Variants in SNX18 observed in about 807,000 individuals in gnomAD.
The protein encoded by SNX18 is sorting nexin-18.
In SNX18, 35 loss-of-function variants were observed where a neutral mutation model predicts 48.7. That is an observed-to-expected ratio of 0.72 (90% CI 0.55 to 0.95). SNX18 has a LOEUF of 0.95. Ranked by LOEUF, SNX18 falls within the 40% of genes least tolerant of loss-of-function variation. The probability of loss-of-function intolerance (pLI) is 0.00; values close to 1 mark genes in which losing one functional copy is unlikely to be tolerated. For synonymous variants in SNX18, 492 were observed against 384.7 expected, an observed-to-expected ratio of 1.28 and a Z score of -3.26; for missense variants, 824 against 871.0, an observed-to-expected ratio of 0.95 and a Z score of 0.68.
the SNX18 span, among the ~76,000 whole-genome samples, chr5:54,611,221 A>C: frequency 1.3e-5 from 2 of 152,114 alleles, no homozygotes; most frequent in African/African-American, 2.4e-5. Flanking sequence ...TATTTTAAAC[A>C]TATCACTTCC....
Position 54,518,891 on chromosome 5 carries a change from C to G in SNX18, c.939C>G (p.Tyr313Ter). 1 of 1,614,004 alleles carries G rather than the reference C, an allele frequency of 6.2e-7. No individual in the cohort carries two copies. Among genetic ancestry groups the G allele is most frequent in the Non-Finnish European group, 8.5e-7 (1 of 1,179,984 alleles). Reference sequence around the variant, plus strand: ...CGCAGGTGCCGGTGCATCGGCGCTACAAGCACTTCGACTGGCTGTACGCGC... The same window carrying G: ...CGCAGGTGCCGGTGCATCGGCGCTAGAAGCACTTCGACTGGCTGTACGCGC... ...THTQVPVHRR[Y>*]KHFDWLYARL... is the part of the protein sequence containing the mutation. The change falls in exon 1 of 2, where the codon TAC becomes TAG. Residue 313 changes from tyrosine (Y) to a stop codon, truncating the protein, a stop_gained. Transcript: ENST00000381410. LOFTEE classifies it high-confidence loss of function.
the SNX18 span, among the ~76,000 whole-genome samples, chr5:54,635,674 G>C: frequency 6.6e-6 from 1 of 152,316 alleles, no homozygotes; most frequent in South Asian, 2.1e-4. Flanking sequence ...TCTCAGCAGA[G>C]ATCTTTCAGG....
chr5:54,646,107 CAAATT>C, the SNX18 span: 65 of 111,224 alleles, frequency 5.8e-4, no homozygotes, highest in African/African-American at 1.7e-3. Context: ...AAGAAACTGA[CAAATT>C]AAGAAATGAG....
downstream of SNX18, among the ~76,000 whole-genome samples, chr5:54,546,938 C>T (rs764121256): frequency 2.8e-4 from 42 of 152,186 alleles, 1 homozygote; most frequent in Non-Finnish European, 5.1e-4. Context: ...CATAAATAGG[C>T]GAACTCCAAC....
chr5:54,632,820 C>A, the SNX18 span, among the ~76,000 whole-genome samples: 1 of 152,012 alleles, frequency 6.6e-6, no homozygotes, highest in Non-Finnish European at 1.5e-5. Context: ...TGTCGCCAGG[C>A]TGGAGTACAG....
At chr5:54,629,967 C>T in the SNX18 span, among the ~76,000 whole-genome samples, 1 of 152,182 alleles carries the variant, frequency 6.6e-6, no homozygotes, top group East Asian at 1.9e-4. Context: ...TAATAATTAG[C>T]TGATATTTAT....
chr5:54,519,156 A>G lies in SNX18; in HGVS notation c.1204A>G (p.Met402Val). The stretch of plus-strand genomic sequence containing the variant: ...CAAGAGGAAGGCCGAGAAGGACGAG[A>G]TGGTGGGCGCCAACTTCTTCCTGAC... ...QGKRKAEKDE[M>V]VGANFFLTLS... is the part of the protein sequence containing the mutation. Residue 402 changes from methionine (M) to valine (V), a missense_variant, in exon 1 of 2, where the codon ATG (methionine) becomes GTG (valine). Met to Val is a conservative substitution (Grantham distance 21, BLOSUM62 1). Coordinates refer to ENST00000381410, the MANE Select transcript of SNX18 (RefSeq NM_001102575.2). 6.2e-7 allele frequency: 1 copy of G among 1,613,886 alleles called. No homozygotes were observed. Among genetic ancestry groups the G allele is most frequent in the Non-Finnish European group, 8.5e-7 (1 of 1,179,874 alleles).
the SNX18 span, among the ~76,000 whole-genome samples, chr5:54,570,812 G>C: frequency 2.0e-5 from 3 of 152,204 alleles, no homozygotes; most frequent in Non-Finnish European, 4.4e-5. Context: ...AACCTGGTTG[G>C]TTAGGTAACA....
intron 1 of SNX18, among the ~76,000 whole-genome samples, chr5:54,525,614 C>G (rs1406123096): frequency 6.6e-6 from 1 of 152,156 alleles, no homozygotes; most frequent in East Asian, 1.9e-4. Context: ...TGTTGTTGTT[C>G]ACATTGAAGA....
chr5:54,632,783 AT>A, the SNX18 span, among the ~76,000 whole-genome samples: 1 of 150,796 alleles, frequency 6.6e-6, no homozygotes, highest in Non-Finnish European at 1.5e-5. Flanking sequence ...TATTTTTTTT[AT>A]TTTTTTTTGA....
chr5:54,581,686 C>T, the SNX18 span, among the ~76,000 whole-genome samples: 1 of 152,192 alleles, frequency 6.6e-6, no homozygotes, highest in Non-Finnish European at 1.5e-5. Flanking sequence ...GTAGCAAAGA[C>T]TAACAAGGCT....
At chr5:54,603,164 ATAT>A in the SNX18 span, among the ~76,000 whole-genome samples, 1 of 151,130 alleles carries the variant, frequency 6.6e-6, no homozygotes. Flanking sequence ...GGTTGTAAAT[ATAT>A]TATTATTATA....
At chr5:54,576,814 T>C in the SNX18 span, among the ~76,000 whole-genome samples, 1 of 152,104 alleles carries the variant, frequency 6.6e-6, no homozygotes, top group Non-Finnish European at 1.5e-5. Flanking sequence ...TGCTTGTTTG[T>C]CTTTTGGAAC....
chr5:54,638,693 C>A, the SNX18 span, among the ~76,000 whole-genome samples: 1 of 152,166 alleles, frequency 6.6e-6, no homozygotes, highest in Non-Finnish European at 1.5e-5. Flanking sequence ...ACATGTATCA[C>A]TTCATTTTAG....
chr5:54,585,310 A>C, the SNX18 span, among the ~76,000 whole-genome samples: 6 of 152,132 alleles, frequency 3.9e-5, 1 homozygote, highest in South Asian at 8.3e-4. Flanking sequence ...AAAAAAAAAA[A>C]AAACAGAGTA....
chr5:54,578,947 C>T, the SNX18 span, among the ~76,000 whole-genome samples: 1 of 152,220 alleles, frequency 6.6e-6, no homozygotes, highest in Non-Finnish European at 1.5e-5. Context: ...CTCATACTTA[C>T]ACCTACACTT....
the SNX18 span, among the ~76,000 whole-genome samples, chr5:54,624,900 C>G: frequency 3.3e-5 from 5 of 152,146 alleles, no homozygotes; most frequent in Non-Finnish European, 7.3e-5. Flanking sequence ...CCCCAAACCC[C>G]GTAAAATGTG....
the SNX18 span, among the ~76,000 whole-genome samples, chr5:54,588,672 C>A: frequency 2.6e-5 from 4 of 152,104 alleles, no homozygotes; most frequent in Non-Finnish European, 5.9e-5. Flanking sequence ...TAGTGGGATG[C>A]GTGCACCTGT....
the SNX18 span, among the ~76,000 whole-genome samples, chr5:54,593,081 A>G: frequency 6.6e-6 from 1 of 152,326 alleles, no homozygotes; most frequent in African/African-American, 2.4e-5. Flanking sequence ...GATTACAGGC[A>G]TGAGCCACTA....
Sources: gnomAD v4.1 joint callset for allele counts (sites outside exome capture counted in the v4.1 genomes callset) on GRCh38, gnomAD v4.1.1 for gene constraint, MANE v1.5 for transcripts, NCBI Gene and HGNC (gene_info 2026-07-23, HGNC 2026-07-21) for gene names.